WDR87: variants seen among roughly 807,000 people sequenced by gnomAD.
WDR87 encodes WD repeat domain 87.
Under a neutral mutation model 83.3 loss-of-function variants are expected in WDR87, and 56 were observed. That is an observed-to-expected ratio of 0.67 (90% confidence interval 0.54 to 0.84). The LOEUF is 0.84. WDR87 is among the 40% of genes least tolerant of loss of function. The probability of loss-of-function intolerance (pLI) is 0.00; values close to 1 mark genes in which losing one functional copy is unlikely to be tolerated. For synonymous variants in WDR87, 1,173 were observed against 1,250.6 expected, an observed-to-expected ratio of 0.94 and a Z score of 1.31; for missense variants, 2,939 against 3,431.9, an observed-to-expected ratio of 0.86 and a Z score of 3.59.
rs1249447107 is a variant in WDR87 at position 37,886,869 on chromosome 19, C to T, written c.6802G>A (p.Glu2268Lys). The T allele has an allele frequency of 1.9e-6, 3 of 1,551,484 alleles. No individual in the cohort carries two copies. The highest frequency in any genetic ancestry group is 2.4e-5 in the East Asian group (1 of 40,904). Residue 2268 changes from glutamate to lysine, a missense_variant, in exon 6 of 6, where the codon GAA becomes AAA. Physicochemically the swap from Glu to Lys is moderately conservative, Grantham distance 56 (BLOSUM62 1). Transcript: ENST00000447313. ...EVESEEHFSE[E>K]MESLLDELEK... ...AGTTCATCTAACAGGCTTTCCATTT[C>T]TTCAGAAAAATGCTCTTCACTTTCC...
chr19:37,896,144 T>C lies in WDR87; in HGVS notation c.240A>G (p.Glu80=). Residue 80 remains glutamate (E), a synonymous_variant, in exon 3 of 6, where the codon GAA becomes GAG. Coordinates refer to ENST00000447313, the MANE Select transcript of WDR87 (RefSeq NM_001291088.2). The part of the protein sequence containing the change: ...SLSWVTSNTK[E]IQAVAWMKSK... ...GTAAGAAAGGCAGTCTTACTTGTAT[T>C]TCTTTTGTGTTTGATGTCACCCAAG... 6.4e-7 allele frequency: 1 copy of C among 1,552,304 alleles called. No individual in the cohort carries two copies. Among genetic ancestry groups the C allele is most frequent in the Non-Finnish European group, 8.7e-7 (1 of 1,147,128 alleles).
Position 37,895,062 on chromosome 19 carries a change from C to A in WDR87, c.641G>T (p.Cys214Phe). The A allele has an allele frequency of 1.3e-6, 2 of 1,551,722 alleles. No homozygotes were observed. Among genetic ancestry groups the A allele is most frequent in the Non-Finnish European group, 1.7e-6 (2 of 1,146,984 alleles). Residue 214 changes from cysteine (C) to phenylalanine (F), a missense_variant, in exon 4 of 6, where the codon TGT becomes TTT. Cys to Phe is a radical substitution (Grantham distance 205). Around this residue, in one of 3 missense-constraint regions of WDR87, gnomAD observed 226 missense variants for 320.9 expected, o/e 0.70. Transcript: ENST00000447313. ...NGPSGSLLALCETVVRVLMHQ... is the reference protein window; with the variant it reads ...NGPSGSLLALFETVVRVLMHQ... ...CATAAGGACCCTCACCACCGTCTCA[C>A]ACAGGGCCAGGAGGGAGCCACTGGG...
rs748714625 is a variant in WDR87 at position 37,885,781 on chromosome 19, T to C, written c.7890A>G (p.Arg2630=). The C allele has an allele frequency of 3.9e-6, 6 of 1,551,822 alleles. No homozygotes were observed. The South Asian group carries it at 7.1e-5, about 18-fold the overall frequency. ...LESQDTRISS[R]QSMSPKYLKV... The stretch of plus-strand genomic sequence containing the variant: ...TCAGGTATTTTGGACTCATGGACTG[T>C]CTACTTGAGATCCTTGTGTCTTGTG... Residue 2630 remains arginine (R), a synonymous_variant, in exon 6 of 6, where the codon AGA becomes AGG. Transcript: ENST00000447313.
chr19:37,900,496 G>A (rs1219105775), intron 1 of WDR87, among the ~76,000 whole-genome samples: 1 of 148,674 alleles, frequency 6.7e-6, no homozygotes, highest in African/African-American at 2.5e-5. Flanking sequence ...GGGAGACAGA[G>A]GTTGCAGCAA....
At position 37,889,191 on chromosome 19, in the gene WDR87, G is replaced by T; in HGVS notation, c.4480C>A (p.Pro1494Thr). 1 of 1,552,160 alleles carries T rather than the reference G, an allele frequency of 6.4e-7. No homozygotes were observed. Among genetic ancestry groups the T allele is most frequent in the Non-Finnish European group, 8.7e-7 (1 of 1,147,094 alleles). ...EGKLVMIERT[P>T]SWQDWKKAWD... ...GCCTTTTTCCAGTCCTGCCAAGATG[G>T]TGTCCTCTCAATCATAACCAGTTTT... Residue 1494 changes from proline (P) to threonine (T), a missense_variant, in exon 6 of 6, where the codon CCA (proline) becomes ACA (threonine). This residue lies in a region of WDR87 where 2,160 missense variants were observed against 2,533.1 expected (regional missense o/e 0.85). Transcript: ENST00000447313.
At chr19:37,891,490 T>C in intron 5 of WDR87, 62 bp downstream of exon 5, 1 of 1,528,338 alleles carries the variant, frequency 6.5e-7, no homozygotes, top group East Asian at 2.5e-5. Context: ...TGATCCACTT[T>C]AACCCTAACT....
chr19:37,887,424 TTC>T lies in WDR87; in HGVS notation c.6245_6246del (p.Arg2082AsnfsTer18), dbSNP rs1251975051. On this transcript the variant is annotated frameshift_variant, in exon 6 of 6. Coordinates refer to ENST00000447313, the MANE Select transcript of WDR87 (RefSeq NM_001291088.2). LOFTEE classifies it low-confidence loss of function (END_TRUNC). ...AACTTTCTTTGCCCCTGGACAAATA[TTC>T]TCTGTCCTCTAGTAAATTCCAGTTT... ...KGKLEFTRGQ[R>X]IFVQGQRKLA... 2.6e-6 allele frequency: 4 copies of T among 1,551,560 alleles called. No homozygotes were observed. Among genetic ancestry groups the T allele is most frequent in the Non-Finnish European group, 2.6e-6 (3 of 1,146,984 alleles).
chr19:37,885,044 A>G lies in WDR87; in HGVS notation c.8627T>C (p.Leu2876Pro). Residue 2876 changes from leucine (L) to proline (P), a missense_variant, in exon 6 of 6, where the codon CTT becomes CCT. This residue lies in a region of WDR87 where 2,160 missense variants were observed against 2,533.1 expected (regional missense o/e 0.85). Transcript: ENST00000447313. Reference sequence around the variant, plus strand: ...CCCATACCGGGCAATGCCCACGGGAAGGATGGTGCGCACACAGTTCTGCCA... The same window carrying G: ...CCCATACCGGGCAATGCCCACGGGAGGGATGGTGCGCACACAGTTCTGCCA... ...LPWQNCVRTI[L>P]PVGIARYGIL... The G allele has an allele frequency of 6.9e-7, 1 of 1,454,926 alleles. No individual in the cohort carries two copies. The allele number at this position is 1,454,926 out of a possible 1,614,324, so 90.1% of individuals were successfully genotyped here. A position where few individuals can be genotyped will look rare whatever the true frequency, so the allele number is the denominator to read the frequency against.
At chr19:37,898,124 C>A in intron 2 of WDR87, 41 bp downstream of exon 2, 1 of 1,548,548 alleles carries the variant, frequency 6.5e-7, no homozygotes, top group Non-Finnish European at 8.7e-7. Context: ...AGACAGGTAG[C>A]AGCCAACCTA....
At chr19:37,902,834 T>C (rs1369390524) in intron 1 of WDR87, among the ~76,000 whole-genome samples, 1 of 152,146 alleles carries the variant, frequency 6.6e-6, no homozygotes, top group East Asian at 1.9e-4. Context: ...GGCTCACTTG[T>C]TGGCTCCAAT....
rs1283947957 is a variant in WDR87 at position 37,898,266 on chromosome 19, G to A, written c.-27C>T. ...ACCGTCAGACTCCCTTGGCCCTCCTGAGGACTGTTGCTTAAAAACCTGTGG... is the reference window on the plus strand; with the variant it reads ...ACCGTCAGACTCCCTTGGCCCTCCTAAGGACTGTTGCTTAAAAACCTGTGG... On this transcript the variant is annotated 5_prime_UTR_variant, in exon 2 of 6. Coordinates refer to ENST00000447313, the MANE Select transcript of WDR87 (RefSeq NM_001291088.2). The A allele has an allele frequency of 6.5e-7, 1 of 1,547,922 alleles. No homozygotes were observed. The highest frequency in any genetic ancestry group is 2.0e-5 in the Admixed American group (1 of 50,144).
rs1172448808 is a variant in WDR87, at chr19:37,888,789, C to T, written c.4882G>A (p.Ala1628Thr). The T allele has an allele frequency of 2.6e-6, 4 of 1,551,694 alleles. No individual in the cohort carries two copies. Among genetic ancestry groups the T allele is most frequent in the Admixed American group, 3.9e-5 (2 of 50,964 alleles). ...RKRARAEKKR[A>T]QEERKLAQEE... is the part of the protein sequence containing the mutation. ...TGTGCTAATTTCCTCTCTTCTTGGGCTCGTTTTTTTTCAGCTCGGGCTCGT... is the reference window on the plus strand; with the variant it reads ...TGTGCTAATTTCCTCTCTTCTTGGGTTCGTTTTTTTTCAGCTCGGGCTCGT... Residue 1628 changes from alanine (A) to threonine (T), a missense_variant, in exon 6 of 6, where the codon GCC becomes ACC. Ala to Thr is a moderately conservative substitution (Grantham distance 58). This residue lies in a region of WDR87 where 2,160 missense variants were observed against 2,533.1 expected (regional missense o/e 0.85). Coordinates refer to ENST00000447313, the MANE Select transcript of WDR87 (RefSeq NM_001291088.2).
rs374290364 is a variant in WDR87 at position 37,889,543 on chromosome 19, G to C, written c.4128C>G (p.Ile1376Met). 6.4e-7 allele frequency: 1 copy of C among 1,551,682 alleles called. No homozygotes were observed. The highest frequency in any genetic ancestry group is 8.7e-7 in the Non-Finnish European group (1 of 1,147,016). ...CCCTTGGCATCACTTCCTTGTGTCTGATCACCTCTTGGGTCACACCTTGTA... is the reference window on the plus strand; with the variant it reads ...CCCTTGGCATCACTTCCTTGTGTCTCATCACCTCTTGGGTCACACCTTGTA... ...DMIQGVTQEV[I>M]RHKEVMPREE... Residue 1376 changes from isoleucine to methionine, a missense_variant, in exon 6 of 6, where the codon ATC becomes ATG. Coordinates refer to ENST00000447313, the MANE Select transcript of WDR87 (RefSeq NM_001291088.2).
rs2046128899 is a variant in WDR87 at position 37,884,933 on chromosome 19, T to C, written c.8738A>G (p.Ter2913=). 6.2e-6 allele frequency: 8 copies of C among 1,293,342 alleles called. No individual in the cohort carries two copies. Among genetic ancestry groups the C allele is most frequent in the Non-Finnish European group, 7.9e-6 (8 of 1,013,708 alleles). 80.1% of individuals were successfully genotyped at this position (1,293,342 alleles called of 1,614,324 possible). ...ALTHTVAPTL[*] ...TCCCAGCCTCCAGTCAGTCCCAAAT[T>C]AGAGAGTGGGAGCAACGGTGTGTGT... The change falls in exon 6 of 6, where the codon TAA becomes TGA. Residue 2913 remains the stop codon, a stop_retained_variant. Coordinates refer to ENST00000447313, the MANE Select transcript of WDR87 (RefSeq NM_001291088.2).
intron 1 of WDR87, among the ~76,000 whole-genome samples, chr19:37,900,830 T>C (rs978554466): frequency 2.6e-5 from 4 of 152,006 alleles, no homozygotes; most frequent in East Asian, 1.9e-4. Context: ...CAGGCTCTAG[T>C]TGATCTGCTT....
chr19:37,886,067 G>A lies in WDR87; in HGVS notation c.7604C>T (p.Pro2535Leu). 1 of 1,551,690 alleles carries A rather than the reference G, an allele frequency of 6.4e-7. No homozygotes were observed. Among genetic ancestry groups the A allele is most frequent in the South Asian group, 1.2e-5 (1 of 84,060 alleles). Residue 2535 changes from proline to leucine, a missense_variant, in exon 6 of 6, where the codon CCA becomes CTA. Physicochemically the swap from Pro to Leu is moderately conservative, Grantham distance 98 (BLOSUM62 -3). Around this residue, in one of 3 missense-constraint regions of WDR87, gnomAD observed 2,160 missense variants for 2,533.1 expected, o/e 0.85. Coordinates refer to ENST00000447313, the MANE Select transcript of WDR87 (RefSeq NM_001291088.2). ...TACCTCAGTCTGTCCCATCAGAGGTGGATGCTGCAAAAACCACTTCCACCA... is the reference window on the plus strand; with the variant it reads ...TACCTCAGTCTGTCCCATCAGAGGTAGATGCTGCAAAAACCACTTCCACCA... ...GAWWKWFLQH[P>L]PLMGQTEVQL...
In WDR87 at chr19:37,885,483, GA is replaced by G; in HGVS notation, c.8187del (p.Gln2730LysfsTer19). On this transcript the variant is annotated frameshift_variant, in exon 6 of 6. Transcript: ENST00000447313. LOFTEE classifies it low-confidence loss of function (END_TRUNC). ...SVEKQTLALMFQKDFWDFKDK... is the reference protein window; with the variant it reads ...SVEKQTLALMXQKDFWDFKDK... Reference sequence around the variant, plus strand: ...TCCTTAAAATCCCAGAAGTCCTTTTGAAACATCAGTGCCAGGGTTTGTTTTT... The same window carrying G: ...TCCTTAAAATCCCAGAAGTCCTTTTGAACATCAGTGCCAGGGTTTGTTTTT... 6.4e-7 allele frequency: 1 copy of G among 1,551,498 alleles called. No homozygotes were observed. Among genetic ancestry groups the G allele is most frequent in the Non-Finnish European group, 8.7e-7 (1 of 1,146,996 alleles).
In WDR87 at chr19:37,887,892, G is replaced by A. The variant is rs1183015784; in HGVS notation, c.5779C>T (p.Leu1927=). ...KNKLGMFNKI[L]AQVEEKLTQE... ...GTCAGCTTCTCCTCTACCTGAGCCA[G>A]TATCTTGTTGAACATTCCCAATTTG... The change falls in exon 6 of 6, where the codon CTG becomes TTG. Residue 1927 remains leucine (L), a synonymous_variant. Transcript: ENST00000447313. 1.9e-6 allele frequency: 3 copies of A among 1,551,492 alleles called. No homozygotes were observed. The highest frequency in any genetic ancestry group is 2.6e-6 in the Non-Finnish European group (3 of 1,146,962).
intron 1 of WDR87, among the ~76,000 whole-genome samples, chr19:37,904,855 C>A (rs2046313946): frequency 6.6e-6 from 1 of 152,052 alleles, no homozygotes; most frequent in Non-Finnish European, 1.5e-5. Flanking sequence ...AGTTTCCAAC[C>A]TTTTGCTACT....
Sources: allele counts gnomAD v4.1 joint callset (sites outside exome capture counted in the v4.1 genomes callset), GRCh38; gene constraint gnomAD v4.1.1; regional missense constraint gnomAD v4.1.1; transcripts MANE v1.5; gene names NCBI Gene and HGNC (gene_info 2026-07-23, HGNC 2026-07-21).